The following FAM81B variants were observed in gnomAD, a reference collection of about 807,000 sequenced individuals.
FAM81B encodes family with sequence similarity 81 member B.
Under a neutral mutation model 58.7 loss-of-function variants are expected in FAM81B, and 60 were observed. That is an observed-to-expected ratio of 1.02 (90% confidence interval 0.83 to 1.27). The LOEUF (loss-of-function observed/expected upper bound fraction) is 1.27, where lower values mean the gene tolerates loss of function less well. Among genes scored for constraint, FAM81B ranks in the 50% most tolerant of loss-of-function variants. FAM81B has a pLI of 0.00. For synonymous variants in FAM81B, 189 were observed against 179.6 expected (o/e 1.05, Z -0.42); for missense variants, 491 against 522.0 (o/e 0.94, Z 0.58).
intron 3 of FAM81B, among the ~76,000 whole-genome samples, chr5:95,411,438 G>T (rs1762402299): frequency 6.6e-6 from 1 of 152,040 alleles, no homozygotes; most frequent in Non-Finnish European, 1.5e-5. Flanking sequence ...AATAAAATAG[G>T]CAATAGTAAC....
chr5:95,411,927 A>G (rs1762414576), intron 3 of FAM81B, among the ~76,000 whole-genome samples: 1 of 152,242 alleles, frequency 6.6e-6, no homozygotes, highest in African/African-American at 2.4e-5. Context: ...AGTACTGCAA[A>G]TGATGTGAAG....
chr5:95,441,982 A>G lies in FAM81B; in HGVS notation c.894-4580A>G, dbSNP rs142974240. On this transcript the variant is annotated intron_variant, in intron 7 of 9. Coordinates refer to ENST00000283357, the MANE Select transcript of FAM81B (RefSeq NM_152548.3). ...TACTGCTGACGCTTGTTTAGTAGACAGTGATTTATAAGAAAAGAAAAAGTG... is the reference window on the plus strand; with the variant it reads ...TACTGCTGACGCTTGTTTAGTAGACGGTGATTTATAAGAAAAGAAAAAGTG... 4.9e-4 allele frequency among the ~76,000 whole-genome samples: 75 copies of G among 152,362 alleles called. 1 individual carries two copies. The highest frequency in any genetic ancestry group is 1.8e-3 in the African/African-American group (75 of 41,576).
At chr5:95,428,772 C>T in intron 6 of FAM81B, 40 bp downstream of exon 6, 1 of 1,612,012 alleles carries the variant, frequency 6.2e-7, no homozygotes, top group Non-Finnish European at 8.5e-7. Flanking sequence ...CGTGTTACTG[C>T]CAGAAGTAAG....
chr5:95,393,620 C>T (rs886233721), intron 2 of FAM81B, among the ~76,000 whole-genome samples: 1 of 152,212 alleles, frequency 6.6e-6, no homozygotes, highest in South Asian at 2.1e-4. Context: ...TTGGGCAAGT[C>T]CCGTACTTCT....
chr5:95,436,472 A>G (rs1745105512), intron 6 of FAM81B, among the ~76,000 whole-genome samples: 1 of 152,218 alleles, frequency 6.6e-6, no homozygotes, highest in South Asian at 2.1e-4. Flanking sequence ...GTAGAAATAT[A>G]ATCAAATTAA....
At chr5:95,399,418 G>A in intron 3 of FAM81B, among the ~76,000 whole-genome samples, 1 of 152,148 alleles carries the variant, frequency 6.6e-6, no homozygotes, top group East Asian at 1.9e-4. Context: ...ATCATGTTAG[G>A]TTGGATGGTG....
At chr5:95,407,958 A>G (rs1762304217) in intron 3 of FAM81B, among the ~76,000 whole-genome samples, 1 of 152,158 alleles carries the variant, frequency 6.6e-6, no homozygotes, top group African/African-American at 2.4e-5. Flanking sequence ...TAGTTCACTC[A>G]TATAGCTCTT....
intron 6 of FAM81B, among the ~76,000 whole-genome samples, chr5:95,430,349 T>C (rs1433558307): frequency 6.6e-6 from 1 of 150,396 alleles, no homozygotes; most frequent in African/African-American, 2.5e-5. Flanking sequence ...TGCAAATACA[T>C]ATTTTTATTC....
At chr5:95,402,150 C>T (rs1324544969) in intron 3 of FAM81B, among the ~76,000 whole-genome samples, 1 of 152,218 alleles carries the variant, frequency 6.6e-6, no homozygotes, top group Non-Finnish European at 1.5e-5. Flanking sequence ...GGAAAGCCCT[C>T]AGTTTTTATC....
At position 95,428,476 on chromosome 5, in the gene FAM81B, A is replaced by G. The variant is rs907741626; in HGVS notation, c.657-127A>G. The G allele has an allele frequency of 5.3e-5, 63 of 1,182,590 alleles. 1 individual carries two copies. Among genetic ancestry groups the G allele is most frequent in the Middle Eastern group, 2.1e-4 (1 of 4,736 alleles). 73.3% of individuals were successfully genotyped at this position (1,182,590 alleles called of 1,614,324 possible). On this transcript the variant is annotated intron_variant, in intron 5 of 9. Coordinates refer to ENST00000283357, the MANE Select transcript of FAM81B (RefSeq NM_152548.3). ...GAAAGAGATTCCTGAATACACTCCT[A>G]TATCTACCAACTCATTCTTCAAATG...
At chr5:95,420,483 T>C in intron 5 of FAM81B, 81 bp downstream of exon 5, 1 of 1,573,714 alleles carries the variant, frequency 6.4e-7, no homozygotes, top group Admixed American at 1.8e-5. Context: ...CTCCATGCTG[T>C]GGAAAAAAGA....
At position 95,414,122 on chromosome 5, in the gene FAM81B, AG is replaced by A; in HGVS notation, c.471del (p.Lys158SerfsTer24). On this transcript the variant is annotated frameshift_variant, in exon 4 of 10. Transcript: ENST00000283357. LOFTEE classifies it high-confidence loss of function. ...CTTTCGAAAAGAGGAATCGCTCGCCAGGAAGTTACTGGAAAGCCACATCCAG... is the reference window on the plus strand; with the variant it reads ...CTTTCGAAAAGAGGAATCGCTCGCCAGAAGTTACTGGAAAGCCACATCCAG... Reference protein sequence around the residue: ...HGFRKEESLARKLLESHIQTI... With the variant: ...HGFRKEESLAXKLLESHIQTI... 1.9e-6 allele frequency: 3 copies of A among 1,614,146 alleles called. No individual in the cohort carries two copies. Among genetic ancestry groups the A allele is most frequent in the Non-Finnish European group, 2.5e-6 (3 of 1,180,006 alleles).
rs1432270222 is a variant in FAM81B, at chr5:95,428,758, A to G, written c.786+26A>G. On this transcript the variant is annotated intron_variant, in intron 6 of 9. Coordinates refer to ENST00000283357, the MANE Select transcript of FAM81B (RefSeq NM_152548.3). Reference sequence around the variant, plus strand: ...GTAATTGAAAATAGATGGGACTCATATTACGTGTTACTGCCAGAAGTAAGA... The same window carrying G: ...GTAATTGAAAATAGATGGGACTCATGTTACGTGTTACTGCCAGAAGTAAGA... 3 of 1,613,322 alleles carry G rather than the reference A, an allele frequency of 1.9e-6. No individual in the cohort carries two copies. In the South Asian group the frequency reaches 3.3e-5, roughly 18 times the overall value.
At chr5:95,434,587 C>T (rs1745027232) in intron 6 of FAM81B, among the ~76,000 whole-genome samples, 1 of 152,200 alleles carries the variant, frequency 6.6e-6, no homozygotes, top group Non-Finnish European at 1.5e-5. Flanking sequence ...ATCGCACCTT[C>T]ACAGGTTTCA....
intron 3 of FAM81B, 139 bp from the exon 4 acceptor site, chr5:95,413,808 T>C (rs1014927290): frequency 5.7e-6 from 8 of 1,403,456 alleles, no homozygotes; most frequent in Admixed American, 2.8e-5. Flanking sequence ...ATTCTAACCA[T>C]GGCAAGTGCT....
At chr5:95,413,017 G>T (rs1762444498) in intron 3 of FAM81B, among the ~76,000 whole-genome samples, 1 of 152,156 alleles carries the variant, frequency 6.6e-6, no homozygotes, top group South Asian at 2.1e-4. Flanking sequence ...CTCTATATCG[G>T]CAAGCATCTT....
At chr5:95,440,836 T>C in intron 7 of FAM81B, 1 of 202,560 alleles carries the variant, frequency 4.9e-6, no homozygotes. Flanking sequence ...TTTAATAAAG[T>C]TTAGGAAAGT....
chr5:95,395,288 A>C (rs1345918962), intron 2 of FAM81B, among the ~76,000 whole-genome samples: 1 of 151,948 alleles, frequency 6.6e-6, no homozygotes, highest in African/African-American at 2.4e-5. Flanking sequence ...AAATACAAAA[A>C]AAAATTTAGC....
intron 7 of FAM81B, among the ~76,000 whole-genome samples, chr5:95,445,401 C>A (rs1745518445): frequency 6.6e-6 from 1 of 152,182 alleles, no homozygotes; most frequent in Admixed American, 6.5e-5. Context: ...ACAGAAACCA[C>A]TCACAAGTCC....
Sources: gnomAD v4.1 joint callset for allele counts (sites outside exome capture counted in the v4.1 genomes callset) on GRCh38, gnomAD v4.1.1 for gene constraint, MANE v1.5 for transcripts, NCBI Gene and HGNC (gene_info 2026-07-23, HGNC 2026-07-21) for gene names.